RCAN2: variants seen among roughly 807,000 people sequenced by gnomAD.
RCAN2 encodes calcipressin-2.
Under a neutral mutation model 23.6 loss-of-function variants are expected in RCAN2, and 9 were observed. That is an observed-to-expected ratio of 0.38 (90% CI 0.23 to 0.67). The LOEUF is 0.67. RCAN2 is among the 30% of genes least tolerant of loss of function. The pLI is 0.51. For missense variants in RCAN2, 273 were observed against 302.3 expected, an observed-to-expected ratio of 0.90 and a Z score of 0.72; for synonymous variants, 109 against 115.7, an observed-to-expected ratio of 0.94 and a Z score of 0.37.
chr6:46,293,556 T>G (rs1762632627), intron 2 of RCAN2, among the ~76,000 whole-genome samples: 1 of 152,148 alleles, frequency 6.6e-6, no homozygotes, highest in Admixed American at 6.6e-5. Flanking sequence ...AAATTCAAAT[T>G]GGGATAAACT....
chr6:46,414,027 T>C (rs1271481990), intron 2 of RCAN2, among the ~76,000 whole-genome samples: 2 of 151,900 alleles, frequency 1.3e-5, no homozygotes, highest in Admixed American at 6.6e-5. Context: ...ATATGAAAGG[T>C]AGCAAGGAGG....
chr6:46,245,765 T>A (rs1766491131), intron 4 of RCAN2, among the ~76,000 whole-genome samples: 1 of 152,158 alleles, frequency 6.6e-6, no homozygotes, highest in African/African-American at 2.4e-5. Flanking sequence ...CAAATTAGAA[T>A]CTCTTGGGGT....
At chr6:46,481,352 G>A (rs1768855796) in intron 1 of RCAN2, among the ~76,000 whole-genome samples, 2 of 152,160 alleles carry the variant, frequency 1.3e-5, no homozygotes, top group South Asian at 2.1e-4. Context: ...CATAAATGCA[G>A]GTTCAACAAA....
intron 4 of RCAN2, among the ~76,000 whole-genome samples, chr6:46,226,113 T>A (rs1158487467): frequency 6.6e-6 from 1 of 152,204 alleles, no homozygotes; most frequent in East Asian, 1.9e-4. Context: ...TGGTATTGTT[T>A]CTGAGGGCTC....
intron 2 of RCAN2, among the ~76,000 whole-genome samples, chr6:46,354,623 T>C (rs886525789): frequency 1.3e-5 from 2 of 152,210 alleles, no homozygotes; most frequent in Non-Finnish European, 2.9e-5. Flanking sequence ...TCTCTAGAAG[T>C]AGGATGCCAG....
At chr6:46,261,092 T>C (rs1767094316) in intron 2 of RCAN2, among the ~76,000 whole-genome samples, 1 of 152,198 alleles carries the variant, frequency 6.6e-6, no homozygotes, top group African/African-American at 2.4e-5. Context: ...ATCATTAATC[T>C]GTACAAACGT....
At chr6:46,419,664 C>A (rs1766817530) in intron 2 of RCAN2, among the ~76,000 whole-genome samples, 1 of 151,842 alleles carries the variant, frequency 6.6e-6, no homozygotes, top group South Asian at 2.1e-4. Flanking sequence ...ATATTTTTCC[C>A]CTGAAAATCA....
chr6:46,362,503 G>A (rs1374059323), intron 2 of RCAN2, among the ~76,000 whole-genome samples: 6 of 152,048 alleles, frequency 3.9e-5, no homozygotes, highest in Non-Finnish European at 8.8e-5. Flanking sequence ...AAATCCTCAA[G>A]GGGTGGCAAC....
intron 2 of RCAN2, among the ~76,000 whole-genome samples, chr6:46,445,206 G>A (rs1225028441): frequency 6.6e-6 from 1 of 152,166 alleles, no homozygotes; most frequent in Non-Finnish European, 1.5e-5. Context: ...ATAGACTCAG[G>A]CTCTAGGCCT....
intron 2 of RCAN2, among the ~76,000 whole-genome samples, chr6:46,262,149 G>A (rs890715876): frequency 5.9e-5 from 9 of 152,030 alleles, no homozygotes; most frequent in Admixed American, 2.0e-4. Context: ...TGGCCCTGAA[G>A]CCATTTTTTT....
chr6:46,322,341 G>T (rs1271040762), intron 2 of RCAN2, among the ~76,000 whole-genome samples: 1 of 152,246 alleles, frequency 6.6e-6, no homozygotes, highest in Admixed American at 6.5e-5. Flanking sequence ...AGACGGCTAA[G>T]TTCACAACAC....
intron 2 of RCAN2, among the ~76,000 whole-genome samples, chr6:46,432,997 G>C (rs929498193): frequency 1.3e-5 from 2 of 152,124 alleles, no homozygotes; most frequent in African/African-American, 4.8e-5. Flanking sequence ...GGAAGAGGAG[G>C]AGCCTTCCCT....
chr6:46,367,089 A>G (rs979247235), intron 2 of RCAN2, among the ~76,000 whole-genome samples: 2 of 136,288 alleles, frequency 1.5e-5, no homozygotes, highest in African/African-American at 2.6e-5. Flanking sequence ...AAAATTACAT[A>G]CAAATTTAAA....
chr6:46,486,073 G>C (rs1489387592), intron 1 of RCAN2, among the ~76,000 whole-genome samples: 1 of 152,108 alleles, frequency 6.6e-6, no homozygotes, highest in Non-Finnish European at 1.5e-5. Flanking sequence ...CAACATCTGT[G>C]CAGAGCATTC....
chr6:46,370,594 CTATT>C (rs1186965366), intron 2 of RCAN2, among the ~76,000 whole-genome samples: 1 of 152,212 alleles, frequency 6.6e-6, no homozygotes, highest in African/African-American at 2.4e-5. Context: ...CCTAGTGACA[CTATT>C]TATTCTCCTT....
At chr6:46,230,924 T>C (rs1201173285) in intron 4 of RCAN2, among the ~76,000 whole-genome samples, 1 of 152,202 alleles carries the variant, frequency 6.6e-6, no homozygotes, top group African/African-American at 2.4e-5. Flanking sequence ...AAATTCTGGG[T>C]GCTGACGTTA....
intron 2 of RCAN2, among the ~76,000 whole-genome samples, chr6:46,408,473 A>T (rs1561893697): frequency 6.6e-6 from 1 of 152,204 alleles, no homozygotes; most frequent in Admixed American, 6.5e-5. Context: ...CCCTTCACAT[A>T]TAGAAGATTC....
intron 2 of RCAN2, among the ~76,000 whole-genome samples, chr6:46,439,955 T>C (rs1005467364): frequency 3.9e-5 from 6 of 152,216 alleles, no homozygotes; most frequent in African/African-American, 1.4e-4. Flanking sequence ...AGCTGCACAA[T>C]GGTAAGTTTT....
At chr6:46,473,020 A>G (rs1768612376) in intron 1 of RCAN2, among the ~76,000 whole-genome samples, 1 of 152,200 alleles carries the variant, frequency 6.6e-6, no homozygotes, top group South Asian at 2.1e-4. Flanking sequence ...CTTTCCAGAT[A>G]AATGTAGTTT....
Sources: allele counts gnomAD v4.1 joint callset (sites outside exome capture counted in the v4.1 genomes callset), GRCh38; gene constraint gnomAD v4.1.1; transcripts MANE v1.5; gene names NCBI Gene and HGNC (gene_info 2026-07-23, HGNC 2026-07-21).